The following ZCWPW2 variants were observed in gnomAD, a reference collection of about 807,000 sequenced individuals.
ZCWPW2 encodes the protein zinc finger CW-type PWWP domain protein 2.
Under a neutral mutation model 46.6 loss-of-function variants are expected in ZCWPW2, and 45 were observed. The ratio of observed to expected loss-of-function variants is 0.96; its 90% confidence interval spans 0.76 to 1.24. ZCWPW2 has a LOEUF of 1.24. Ranked by LOEUF, ZCWPW2 falls within the 50% of genes most tolerant of loss-of-function variation. The pLI, the probability that ZCWPW2 is intolerant of heterozygous loss-of-function variation, is 0.00. For synonymous variants in ZCWPW2, 152 were observed against 137.1 expected, an observed-to-expected ratio of 1.11 and a Z score of -0.76; for missense variants, 429 against 403.9, an observed-to-expected ratio of 1.06 and a Z score of -0.53.
chr3:28,380,959 TATATATATATA>T (rs1695040744), intron 1 of ZCWPW2, among the ~76,000 whole-genome samples: 8 of 54,120 alleles, frequency 1.5e-4, no homozygotes, highest in African/African-American at 3.5e-4. Context: ...TATATATATA[TATATATATATA>T]TTTGGTATAT....
Position 28,349,049 on chromosome 3 carries a change from C to G in ZCWPW2, c.-288C>G. ...GCGCGAGGAAACCGGAAGTCAGGCCCGAGGGAGCTGGGAGGGCGTTAGCGA... is the reference window on the plus strand; with the variant it reads ...GCGCGAGGAAACCGGAAGTCAGGCCGGAGGGAGCTGGGAGGGCGTTAGCGA... On this transcript the variant is annotated 5_prime_UTR_variant, in exon 1 of 10. Transcript: ENST00000383768. The G allele has an allele frequency of 1.0e-6, 1 of 986,144 alleles. No individual in the cohort carries two copies. Among genetic ancestry groups the G allele is most frequent in the Non-Finnish European group, 1.2e-6 (1 of 830,566 alleles). The allele number at this position is 986,144 out of a possible 1,614,324, so 61.1% of individuals were successfully genotyped here.
intron 4 of ZCWPW2, among the ~76,000 whole-genome samples, chr3:28,451,542 G>C (rs1013095429): frequency 2.0e-5 from 3 of 152,286 alleles, no homozygotes; most frequent in Admixed American, 6.5e-5. Context: ...TGGTAGACTT[G>C]CTCTTTACTT....
chr3:28,461,668 A>G (rs2125788672), intron 4 of ZCWPW2: 1 of 152,264 alleles, frequency 6.6e-6, no homozygotes, highest in South Asian at 2.1e-4. Context: ...TATTTACTCA[A>G]CTCCTATTAT....
At chr3:28,392,324 T>C (rs1448434657) in intron 2 of ZCWPW2, among the ~76,000 whole-genome samples, 7 of 152,092 alleles carry the variant, frequency 4.6e-5, no homozygotes, top group Non-Finnish European at 4.4e-5. Context: ...AAGGCAAATA[T>C]TAATAGATCT....
chr3:28,459,309 G>A (rs1164048251), intron 4 of ZCWPW2, among the ~76,000 whole-genome samples: 1 of 151,970 alleles, frequency 6.6e-6, no homozygotes, highest in East Asian at 1.9e-4. Context: ...GGCGGAGGTG[G>A]CAGTGAGCCA....
At position 28,432,601 on chromosome 3, in the gene ZCWPW2, C is replaced by T. The variant is rs1462034100; in HGVS notation, c.333-2509C>T. ...AGAATGATTGGTTAATTTTTTAACA[C>T]TTAGTTGATATATAAGTGCAATTTT... is the stretch of plus-strand genomic sequence containing the variant. On this transcript the variant is annotated intron_variant, in intron 3 of 9. Coordinates refer to ENST00000383768, the MANE Select transcript of ZCWPW2 (RefSeq NM_001040432.4). Among the ~76,000 whole-genome samples, 3 of 152,152 alleles carry T rather than the reference C, an allele frequency of 2.0e-5. No homozygotes were observed. In the East Asian group the frequency reaches 5.8e-4, roughly 29 times the overall value.
chr3:28,397,191 G>C (rs2125723906), intron 2 of ZCWPW2, among the ~76,000 whole-genome samples: 1 of 151,286 alleles, frequency 6.6e-6, no homozygotes, highest in Admixed American at 6.6e-5. Flanking sequence ...TTACCTTTTT[G>C]GGTACATCAG....
chr3:28,515,777 A>G (rs942973887), intron 8 of ZCWPW2, among the ~76,000 whole-genome samples, 156 bp downstream of exon 8: 1 of 144,732 alleles, frequency 6.9e-6, no homozygotes, highest in African/African-American at 2.9e-5. Flanking sequence ...GTACATATGT[A>G]TACATTTTTA....
At chr3:28,514,145 G>T (rs984424853) in intron 7 of ZCWPW2, 23 bp downstream of exon 7, 2 of 1,393,778 alleles carry the variant, frequency 1.4e-6, no homozygotes, top group African/African-American at 2.9e-5. Context: ...AAATTAAATA[G>T]TATTATGATA....
chr3:28,457,117 G>A lies in ZCWPW2; in HGVS notation c.493-21697G>A, dbSNP rs565241992. ...TATCTTCTAGTAAAGGATCAGGTCC[G>A]GTCCATGAATTAGGTGAAATCCAGT... On this transcript the variant is annotated intron_variant, in intron 4 of 9. Transcript: ENST00000383768. Among the ~76,000 whole-genome samples, 6 of 152,178 alleles carry A rather than the reference G, an allele frequency of 3.9e-5. No individual in the cohort carries two copies. The East Asian group carries it at 5.8e-4, about 15-fold the overall frequency.
At chr3:28,436,590 G>A (rs1697510767) in intron 4 of ZCWPW2, among the ~76,000 whole-genome samples, 2 of 151,854 alleles carry the variant, frequency 1.3e-5, no homozygotes, top group East Asian at 3.9e-4. Context: ...TATATCTTTG[G>A]CAAATATATA....
rs756189136 is a variant in ZCWPW2, at chr3:28,525,602, G to A, written c.*914G>A. ...AAGTGCACGAGAGCATCACCACAGC[G>A]GTGAATTTTATTGTGAGTTGCCTCA... On this transcript the variant is annotated 3_prime_UTR_variant, in exon 10 of 10. Transcript: ENST00000383768. Among the ~76,000 whole-genome samples, 33 of 152,184 alleles carry A rather than the reference G, an allele frequency of 2.2e-4. No homozygotes were observed. The highest frequency in any genetic ancestry group is 3.8e-4 in the Non-Finnish European group (26 of 67,984).
intron 4 of ZCWPW2, among the ~76,000 whole-genome samples, chr3:28,456,095 A>G (rs1698411267): frequency 6.6e-6 from 1 of 152,088 alleles, no homozygotes. Flanking sequence ...TTTTCATGAT[A>G]TTGATTCTTC....
At chr3:28,417,733 T>A (rs1346436703) in intron 3 of ZCWPW2, among the ~76,000 whole-genome samples, 1 of 104,274 alleles carries the variant, frequency 9.6e-6, no homozygotes, top group Non-Finnish European at 1.9e-5. Context: ...ATAAACGTAC[T>A]CCAGCATATA....
chr3:28,414,075 A>G (rs1447517476), intron 3 of ZCWPW2, among the ~76,000 whole-genome samples: 1 of 152,056 alleles, frequency 6.6e-6, no homozygotes, highest in Non-Finnish European at 1.5e-5. Flanking sequence ...TTATTAAATT[A>G]TAACCTATTA....
intron 1 of ZCWPW2, among the ~76,000 whole-genome samples, chr3:28,372,324 A>G (rs1201017217): frequency 6.6e-6 from 1 of 152,206 alleles, no homozygotes; most frequent in African/African-American, 2.4e-5. Flanking sequence ...ATATAAAGAC[A>G]TGGAAGTTTT....
chr3:28,452,863 CT>C lies in ZCWPW2; in HGVS notation c.492+17596del, dbSNP rs534672248. Among the ~76,000 whole-genome samples the C allele has an allele frequency of 2.5e-3, 387 of 152,196 alleles. 1 individual carries two copies. The highest frequency in any genetic ancestry group is 8.4e-3 in the African/African-American group (351 of 41,542). ...TGGAGAATAGTATCTTTTATTTTGACTTAAGATCATATATAGAAAATTACGT... is the reference window on the plus strand; with the variant it reads ...TGGAGAATAGTATCTTTTATTTTGACTAAGATCATATATAGAAAATTACGT... On this transcript the variant is annotated intron_variant, in intron 4 of 9. Coordinates refer to ENST00000383768, the MANE Select transcript of ZCWPW2 (RefSeq NM_001040432.4).
At chr3:28,491,826 C>G (rs1332807432) in intron 5 of ZCWPW2, among the ~76,000 whole-genome samples, 1 of 152,002 alleles carries the variant, frequency 6.6e-6, no homozygotes, top group Admixed American at 6.6e-5. Flanking sequence ...CACACAAGCT[C>G]CCCAGAACCT....
At chr3:28,466,763 G>C (rs1698839322) in intron 4 of ZCWPW2, among the ~76,000 whole-genome samples, 3 of 151,946 alleles carry the variant, frequency 2.0e-5, no homozygotes, top group Admixed American at 1.3e-4. Context: ...TGCACCACTG[G>C]ACTCCAGCCG....
Sources: gnomAD v4.1 joint callset for allele counts (sites outside exome capture counted in the v4.1 genomes callset) on GRCh38, gnomAD v4.1.1 for gene constraint, MANE v1.5 for transcripts, NCBI Gene and HGNC (gene_info 2026-07-23, HGNC 2026-07-21) for gene names.